The following ADHFE1 variants were observed in gnomAD, a reference collection of about 807,000 sequenced individuals.
The protein encoded by ADHFE1 is alcohol dehydrogenase iron containing 1.
In ADHFE1, 37 loss-of-function variants were observed where a neutral mutation model predicts 54.8. That is an observed-to-expected ratio of 0.68 (90% CI 0.52 to 0.89). ADHFE1 has a LOEUF of 0.89. Ranked by LOEUF, ADHFE1 falls within the 40% of genes least tolerant of loss-of-function variation. The probability of loss-of-function intolerance (pLI) is 0.00; values close to 1 mark genes in which losing one functional copy is unlikely to be tolerated. For synonymous variants in ADHFE1, 203 were observed against 229.3 expected (o/e 0.89, Z 1.04); for missense variants, 601 against 591.2 (o/e 1.02, Z -0.17).
intron 2 of ADHFE1, among the ~76,000 whole-genome samples, chr8:66,441,987 T>C (rs1206791061): frequency 6.6e-6 from 1 of 150,996 alleles, no homozygotes; most frequent in African/African-American, 2.4e-5. Flanking sequence ...AAAAAAAAGG[T>C]TTATTAAATT....
intron 13 of ADHFE1, among the ~76,000 whole-genome samples, chr8:66,466,478 A>G (rs1267668779): frequency 6.6e-6 from 1 of 152,004 alleles, no homozygotes; most frequent in Non-Finnish European, 1.5e-5. Flanking sequence ...TAGCTCTTAC[A>G]TTTAGGTTTT....
intron 7 of ADHFE1, 95 bp from the exon 8 acceptor site, chr8:66,448,770 T>A: frequency 8.9e-7 from 1 of 1,124,662 alleles, no homozygotes; most frequent in East Asian, 2.4e-5. Flanking sequence ...TTTCTCATAT[T>A]TTTATTTTTA....
Position 66,437,966 on chromosome 8 carries a change from A to G in ADHFE1, c.60-2196A>G, listed in dbSNP as rs149136642. ...GGAAATAATAACGGCAAAGTTCTGG[A>G]GGAGAGAGAGAGACTGTGGCTCATT... is the stretch of plus-strand genomic sequence containing the variant. On this transcript the variant is annotated intron_variant, in intron 1 of 13. Coordinates refer to ENST00000396623, the MANE Select transcript of ADHFE1 (RefSeq NM_144650.3). Among the ~76,000 whole-genome samples the G allele has an allele frequency of 5.0e-3, 755 of 152,304 alleles. 5 individuals carry two copies. Among genetic ancestry groups the G allele is most frequent in the African/African-American group, 0.018 (728 of 41,570 alleles).
At chr8:66,447,115 C>A in intron 6 of ADHFE1, 149 bp from the exon 7 acceptor site, 1 of 559,908 alleles carries the variant, frequency 1.8e-6, no homozygotes, top group Non-Finnish European at 3.2e-6. Context: ...GTTAGGTTTC[C>A]ATACATGTTA....
In ADHFE1 at chr8:66,454,077, T is replaced by A. The variant is rs749339000; in HGVS notation, c.906T>A (p.Asp302Glu). Residue 302 changes from aspartate to glutamate, a missense_variant, in exon 10 of 14, where the codon GAT becomes GAA. Asp to Glu is a conservative substitution (Grantham distance 45). Coordinates refer to ENST00000396623, the MANE Select transcript of ADHFE1 (RefSeq NM_144650.3). ...KYLKRAVRNP[D>E]DLEARSHMHL... ...TTCACAGGGCTGTCAGAAATCCCGA[T>A]GATCTTGAAGCAAGGTCTCATATGC... is the stretch of plus-strand genomic sequence containing the variant. 9 of 1,614,114 alleles carry A rather than the reference T, an allele frequency of 5.6e-6. No homozygotes were observed. The highest frequency in any genetic ancestry group is 5.0e-5 in the Admixed American group (3 of 60,010).
In ADHFE1 at chr8:66,452,118, G is replaced by A. The variant is rs374104886; in HGVS notation, c.887+13G>A. 23 of 1,613,060 alleles carry A rather than the reference G, an allele frequency of 1.4e-5. 1 individual carries two copies. The highest frequency in any genetic ancestry group is 1.1e-4 in the African/African-American group (8 of 75,044). On this transcript the variant is annotated intron_variant, in intron 9 of 13. Transcript: ENST00000396623. ...AGTATCTGAAGAGGTATGTCACCCC[G>A]AAGGGGATAGAAATAGAACAGGAGG...
rs994086637 is a variant in ADHFE1 at position 66,439,185 on chromosome 8, C to G, written c.60-977C>G. 6 of 985,204 alleles carry G rather than the reference C, an allele frequency of 6.1e-6. No individual in the cohort carries two copies. In the East Asian group the frequency reaches 3.4e-4, roughly 56 times the overall value. The allele number at this position is 985,204 out of a possible 1,614,324, so 61.0% of individuals were successfully genotyped here. On this transcript the variant is annotated intron_variant, in intron 1 of 13. Coordinates refer to ENST00000396623, the MANE Select transcript of ADHFE1 (RefSeq NM_144650.3). This position sits in a 1 kb window ranked among gnomAD's most constrained non-coding sequence, Gnocchi z 4.4. The stretch of plus-strand genomic sequence containing the variant: ...TTGAGATCTGGACGGCCACTGAGAT[C>G]AACCCTTTTCCTTCCTCCCCAACCT...
At chr8:66,462,111 C>T (rs563815019) in intron 13 of ADHFE1, among the ~76,000 whole-genome samples, 13 of 152,226 alleles carry the variant, frequency 8.5e-5, no homozygotes, top group Non-Finnish European at 1.6e-4. Flanking sequence ...TAAACGAACA[C>T]ATACCTCCAT....
At chr8:66,443,088 A>G (rs2130376181) in intron 3 of ADHFE1, among the ~76,000 whole-genome samples, 1 of 152,242 alleles carries the variant, frequency 6.6e-6, no homozygotes, top group Admixed American at 6.5e-5. Flanking sequence ...ATAAATTCCC[A>G]ATTCTACAAA....
At position 66,432,510 on chromosome 8, in the gene ADHFE1, A is replaced by T; in HGVS notation, c.-7A>T. The T allele has an allele frequency of 7.3e-7, 1 of 1,367,814 alleles. No homozygotes were observed. Among genetic ancestry groups the T allele is most frequent in the Non-Finnish European group, 9.5e-7 (1 of 1,050,894 alleles). 84.7% of individuals were successfully genotyped at this position (1,367,814 alleles called of 1,614,324 possible). On this transcript the variant is annotated 5_prime_UTR_variant, in exon 1 of 14. Transcript: ENST00000396623. The stretch of plus-strand genomic sequence containing the variant: ...CGACCCGAGGAGGGAAGAGGACTCC[A>T]AGCGCCATGGCCGCTGCCGCCCGAG...
chr8:66,458,289 G>A (rs1806701981), intron 12 of ADHFE1, among the ~76,000 whole-genome samples: 1 of 152,168 alleles, frequency 6.6e-6, no homozygotes, highest in Admixed American at 6.5e-5. Context: ...TTCCAGGGAG[G>A]TAGGAAGGAC....
At chr8:66,449,414 G>A (rs905993384) in intron 8 of ADHFE1, among the ~76,000 whole-genome samples, 2 of 152,190 alleles carry the variant, frequency 1.3e-5, no homozygotes, top group East Asian at 1.9e-4. Flanking sequence ...AAGAGGGCAG[G>A]GAACAGAGCT....
chr8:66,449,103 C>G (rs976512257), intron 8 of ADHFE1, 133 bp downstream of exon 8: 1 of 769,574 alleles, frequency 1.3e-6, no homozygotes, highest in South Asian at 1.7e-5. Flanking sequence ...GTCATTACCC[C>G]CTGTCCTAAA....
intron 2 of ADHFE1, among the ~76,000 whole-genome samples, chr8:66,441,845 G>C (rs566235126): frequency 6.6e-6 from 1 of 151,816 alleles, no homozygotes; most frequent in African/African-American, 2.4e-5. Context: ...GGTGGTACAC[G>C]CCTGTAGTCC....
chr8:66,433,017 G>A (rs1228665289), intron 1 of ADHFE1: 2 of 585,474 alleles, frequency 3.4e-6, no homozygotes, highest in Non-Finnish European at 4.3e-6. Context: ...ATGAGGGGAC[G>A]AGGCTAAAAC....
chr8:66,460,264 C>T (rs373320756), intron 12 of ADHFE1, 44 bp from the exon 13 acceptor site: 92 of 1,609,084 alleles, frequency 5.7e-5, no homozygotes, highest in Admixed American at 8.4e-5. Context: ...ACCCAGAGCC[C>T]GTTTCTTCCT....
chr8:66,439,804 A>G lies in ADHFE1; in HGVS notation c.60-358A>G, dbSNP rs920314363. ...AGTTAACCTTGGGCCGATTTGGTCAACGCTCCTAACCCAGTAAGAGCTGGG... is the reference window on the plus strand; with the variant it reads ...AGTTAACCTTGGGCCGATTTGGTCAGCGCTCCTAACCCAGTAAGAGCTGGG... On this transcript the variant is annotated intron_variant, in intron 1 of 13. Coordinates refer to ENST00000396623, the MANE Select transcript of ADHFE1 (RefSeq NM_144650.3). This position sits in a 1 kb window ranked among gnomAD's most constrained non-coding sequence, Gnocchi z 4.4. 9.3e-7 allele frequency: 1 copy of G among 1,078,990 alleles called. No homozygotes were observed. Among genetic ancestry groups the G allele is most frequent in the Non-Finnish European group, 1.1e-6 (1 of 887,152 alleles). 66.8% of individuals were successfully genotyped at this position (1,078,990 alleles called of 1,614,324 possible).
chr8:66,448,858 G>T lies in ADHFE1; in HGVS notation c.629-7G>T. 6.2e-7 allele frequency: 1 copy of T among 1,612,840 alleles called. No homozygotes were observed. The highest frequency in any genetic ancestry group is 8.5e-7 in the Non-Finnish European group (1 of 1,179,212). ...TTTAGCCTCTACTGAAAATCCTTAT[G>T]TTTTAGGCATCACTTCGAGAGCCAT... On this transcript the variant is annotated splice_region_variant and splice_polypyrimidine_tract_variant and intron_variant, in intron 7 of 13. Transcript: ENST00000396623.
At chr8:66,449,597 C>T (rs985976281) in intron 8 of ADHFE1, among the ~76,000 whole-genome samples, 1 of 152,192 alleles carries the variant, frequency 6.6e-6, no homozygotes, top group Admixed American at 6.5e-5. Context: ...GCTTCAGCTG[C>T]TTTGTGCCGA....
Sources: allele counts gnomAD v4.1 joint callset (sites outside exome capture counted in the v4.1 genomes callset), GRCh38; gene constraint gnomAD v4.1.1; non-coding constraint Gnocchi (gnomAD v3.1); transcripts MANE v1.5; gene names NCBI Gene and HGNC (gene_info 2026-07-23, HGNC 2026-07-21).